The following C12orf56 variants were observed in gnomAD, a reference collection of about 807,000 sequenced individuals.
The protein encoded by C12orf56 is chromosome 12 open reading frame 56.
In C12orf56, 71 loss-of-function variants were observed where a neutral mutation model predicts 69.9. The ratio of observed to expected loss-of-function variants is 1.02; its 90% CI spans 0.84 to 1.24. The LOEUF is 1.24. Ranked by LOEUF, C12orf56 falls within the 50% of genes most tolerant of loss-of-function variation. The probability of loss-of-function intolerance (pLI) is 0.00; values close to 1 mark genes in which losing one functional copy is unlikely to be tolerated. For missense variants in C12orf56, 732 were observed against 738.5 expected, an observed-to-expected ratio of 0.99 and a Z score of 0.10; for synonymous variants, 276 against 274.1, an observed-to-expected ratio of 1.01 and a Z score of -0.07.
chr12:64,314,777 G>A (rs1272284759), intron 4 of C12orf56, among the ~76,000 whole-genome samples: 5 of 151,618 alleles, frequency 3.3e-5, no homozygotes, highest in African/African-American at 4.9e-5. Flanking sequence ...TGGGACTATA[G>A]GCGCCCGCCA....
intron 10 of C12orf56, 110 bp downstream of exon 10, chr12:64,275,188 T>C: frequency 1.4e-6 from 1 of 711,174 alleles, no homozygotes; most frequent in Non-Finnish European, 2.2e-6. Flanking sequence ...TTTTGATATA[T>C]TATTAATCAT....
rs914396763 is a variant in C12orf56 at position 64,307,552 on chromosome 12, A to G, written c.969-3773T>C. On this transcript the variant is annotated intron_variant, in intron 5 of 12. Coordinates refer to ENST00000543942, the MANE Select transcript of C12orf56 (RefSeq NM_001170633.2). ...GCCTGTCTAATTTTTGTATTTTTGT[A>G]GAGACAGGGTTTCACCATGTTGGCC... is the stretch of plus-strand genomic sequence containing the variant. 1.6e-4 allele frequency among the ~76,000 whole-genome samples: 24 copies of G among 152,030 alleles called. No homozygotes were observed. In the South Asian group the frequency reaches 2.5e-3, roughly 16 times the overall value.
At chr12:64,341,334 T>C (rs1356092046) in intron 2 of C12orf56, among the ~76,000 whole-genome samples, 2 of 152,188 alleles carry the variant, frequency 1.3e-5, no homozygotes, top group African/African-American at 4.8e-5. Flanking sequence ...CCATGAATCC[T>C]GGCTATGGGA....
chr12:64,322,415 T>C (rs1212723664), intron 3 of C12orf56, among the ~76,000 whole-genome samples: 1 of 143,820 alleles, frequency 7.0e-6, no homozygotes, highest in African/African-American at 2.7e-5. Context: ...ACTTTCCATT[T>C]GGTCCCTTTT....
chr12:64,346,950 A>C (rs558024792), intron 2 of C12orf56, among the ~76,000 whole-genome samples: 55 of 150,210 alleles, frequency 3.7e-4, no homozygotes, highest in African/African-American at 1.1e-3. Flanking sequence ...ATCTATATAT[A>C]TATCTATCTA....
At chr12:64,319,766 C>T (rs140907695) in intron 3 of C12orf56, among the ~76,000 whole-genome samples, 587 of 152,266 alleles carry the variant, frequency 3.9e-3, no homozygotes, top group Non-Finnish European at 6.7e-3. Context: ...AAAGAAATAG[C>T]CAGTCATCTA....
At chr12:64,388,550 T>C (rs1459557228) in intron 1 of C12orf56, among the ~76,000 whole-genome samples, 1 of 152,162 alleles carries the variant, frequency 6.6e-6, no homozygotes, top group African/African-American at 2.4e-5. Context: ...GTCTAAAGTT[T>C]TAAAAAACAC....
rs149903894 is a variant in C12orf56 at position 64,325,191 on chromosome 12, C to T, written c.488+5769G>A. Among the ~76,000 whole-genome samples the T allele has an allele frequency of 3.8e-3, 577 of 152,170 alleles. 1 individual carries two copies. The highest frequency in any genetic ancestry group is 0.013 in the African/African-American group (538 of 41,508). On this transcript the variant is annotated intron_variant, in intron 3 of 12. Coordinates refer to ENST00000543942, the MANE Select transcript of C12orf56 (RefSeq NM_001170633.2). Reference sequence around the variant, plus strand: ...ATCTAGGCTAAGTCCTCACATTGCCCAGTCAGCATGTGTTAAGAGTGTAGA... The same window carrying T: ...ATCTAGGCTAAGTCCTCACATTGCCTAGTCAGCATGTGTTAAGAGTGTAGA...
intron 1 of C12orf56, among the ~76,000 whole-genome samples, chr12:64,377,050 C>T (rs2039651348): frequency 6.6e-6 from 1 of 152,156 alleles, no homozygotes; most frequent in Admixed American, 6.5e-5. Context: ...TTAATAATCA[C>T]CATTCTAACT....
intron 1 of C12orf56, among the ~76,000 whole-genome samples, chr12:64,367,741 C>T (rs866315138): frequency 2.7e-5 from 4 of 146,620 alleles, no homozygotes; most frequent in Admixed American, 7.2e-5. Flanking sequence ...TGACCCCAAG[C>T]GATCCACCTG....
rs1565783149 is a variant in C12orf56 at position 64,380,133 on chromosome 12, AACAAAACAAAC to A, written c.252+10170_252+10180del. Among the ~76,000 whole-genome samples, 52 of 46,824 alleles carry A rather than the reference AACAAAACAAAC, an allele frequency of 1.1e-3. 5 individuals carry two copies. The highest frequency in any genetic ancestry group is 2.6e-3 in the African/African-American group (47 of 18,022). The allele number at this position is 46,824 out of a possible 152,430, so 30.7% of individuals were successfully genotyped here. ...AAAAAAAAAAAAAAAAAAAAAAAAA[AACAAAACAAAC>A]AAAAAAAAACGCACAATGCAGCTAA... On this transcript the variant is annotated intron_variant, in intron 1 of 12. Transcript: ENST00000543942.
chr12:64,353,198 C>A, intron 1 of C12orf56, 142 bp from the exon 2 acceptor site: 2 of 761,354 alleles, frequency 2.6e-6, no homozygotes, highest in Non-Finnish European at 4.1e-6. Context: ...CACCCTGACA[C>A]CCAGGCTAGA....
At chr12:64,316,084 CTT>C (rs956223966) in intron 4 of C12orf56, among the ~76,000 whole-genome samples, 64 of 151,830 alleles carry the variant, frequency 4.2e-4, no homozygotes, top group African/African-American at 1.2e-3. Flanking sequence ...ATTTTTAAAA[CTT>C]ATTTATTTTT....
chr12:64,294,331 G>A (rs1231500651), intron 6 of C12orf56, among the ~76,000 whole-genome samples: 1 of 152,054 alleles, frequency 6.6e-6, no homozygotes, highest in Non-Finnish European at 1.5e-5. Context: ...TTCCATTTCT[G>A]AGTATATACC....
At chr12:64,366,894 TAC>T (rs1482717032) in intron 1 of C12orf56, among the ~76,000 whole-genome samples, 4 of 126,384 alleles carry the variant, frequency 3.2e-5, no homozygotes, top group South Asian at 2.4e-4. Flanking sequence ...TTATATAACA[TAC>T]AGTTTATATA....
intron 1 of C12orf56, among the ~76,000 whole-genome samples, chr12:64,387,954 GA>G (rs2039815940): frequency 6.6e-6 from 1 of 152,164 alleles, no homozygotes; most frequent in Non-Finnish European, 1.5e-5. Context: ...GGAGACAATA[GA>G]AAAAGCTGAG....
At chr12:64,320,526 A>G (rs2038757564) in intron 3 of C12orf56, among the ~76,000 whole-genome samples, 1 of 152,252 alleles carries the variant, frequency 6.6e-6, no homozygotes. Flanking sequence ...GATTTTCCCA[A>G]TAGCATCAGC....
intron 2 of C12orf56, among the ~76,000 whole-genome samples, chr12:64,344,566 C>T (rs760614846): frequency 2.6e-5 from 4 of 152,214 alleles, no homozygotes; most frequent in Non-Finnish European, 5.9e-5. Flanking sequence ...AGTGCTGCCA[C>T]TTGGCCACTG....
chr12:64,338,764 C>A, intron 2 of C12orf56: 4 of 1,419,724 alleles, frequency 2.8e-6, no homozygotes, highest in Non-Finnish European at 3.0e-6. Context: ...GCTTTATCTG[C>A]TTTTGCATGT....
Sources: gnomAD v4.1 joint callset for allele counts (sites outside exome capture counted in the v4.1 genomes callset) on GRCh38, gnomAD v4.1.1 for gene constraint, MANE v1.5 for transcripts, NCBI Gene and HGNC (gene_info 2026-07-23, HGNC 2026-07-21) for gene names.